The following CEP128 variants were observed in gnomAD, a reference collection of about 807,000 sequenced individuals.
CEP128 encodes the protein centrosomal protein 128, also known as centrosomal protein 128kDa.
In CEP128, 132 loss-of-function variants were observed where a neutral mutation model predicts 156.7. The ratio of observed to expected loss-of-function variants is 0.84; its 90% CI spans 0.73 to 0.97. The LOEUF is 0.97. Among genes scored for constraint, CEP128 ranks in the 50% least tolerant of loss-of-function variants. The pLI is 0.00. For missense variants in CEP128, 1,252 were observed against 1,281.9 expected (o/e 0.98, Z 0.36); for synonymous variants, 469 against 448.9 (o/e 1.04, Z -0.57).
intron 19 of CEP128, among the ~76,000 whole-genome samples, chr14:80,580,691 CA>C (rs1322899073): frequency 6.6e-6 from 1 of 152,114 alleles, no homozygotes; most frequent in Non-Finnish European, 1.5e-5. Context: ...GACATCAAAT[CA>C]ATTAAAAATC....
chr14:80,580,272 C>T, intron 20 of CEP128, 102 bp downstream of exon 20: 2 of 702,102 alleles, frequency 2.8e-6, no homozygotes, highest in South Asian at 2.2e-5. Flanking sequence ...GTCCTTGTCA[C>T]CCTATTTGCT....
At chr14:80,570,722 C>A (rs1035740232) in intron 20 of CEP128, among the ~76,000 whole-genome samples, 3 of 150,786 alleles carry the variant, frequency 2.0e-5, no homozygotes, top group African/African-American at 4.9e-5. Context: ...GTTTTATGAG[C>A]AAATAGACAA....
intron 19 of CEP128, among the ~76,000 whole-genome samples, chr14:80,721,471 T>C (rs1336469626): frequency 1.3e-5 from 2 of 152,190 alleles, no homozygotes; most frequent in Non-Finnish European, 2.9e-5. Context: ...GGCATCTCAG[T>C]TGAAAAACAA....
chr14:80,923,181 T>C (rs1486704328), intron 2 of CEP128, among the ~76,000 whole-genome samples: 2 of 152,212 alleles, frequency 1.3e-5, no homozygotes, highest in African/African-American at 4.8e-5. Context: ...GTTGCTTCTG[T>C]CTTAATGAAC....
intron 13 of CEP128, among the ~76,000 whole-genome samples, chr14:80,817,664 C>T (rs1349301372): frequency 2.0e-5 from 3 of 152,070 alleles, no homozygotes; most frequent in Non-Finnish European, 4.4e-5. Flanking sequence ...AGACGGATCA[C>T]GAGGTCAGGA....
chr14:80,767,598 A>G (rs1248428852), intron 16 of CEP128, among the ~76,000 whole-genome samples: 4 of 152,136 alleles, frequency 2.6e-5, no homozygotes, highest in Non-Finnish European at 5.9e-5. Flanking sequence ...CTAACTCATT[A>G]TAAAAGTCCA....
At chr14:80,739,743 T>A (rs1459976817) in intron 19 of CEP128, among the ~76,000 whole-genome samples, 5 of 152,126 alleles carry the variant, frequency 3.3e-5, no homozygotes, top group Non-Finnish European at 4.4e-5. Context: ...TGTTATTGTG[T>A]CCCTAAATGA....
At chr14:80,793,307 A>T (rs1901817580) in intron 13 of CEP128, among the ~76,000 whole-genome samples, 197 bp from the exon 14 acceptor site, 1 of 152,228 alleles carries the variant, frequency 6.6e-6, no homozygotes, top group Admixed American at 6.5e-5. Flanking sequence ...TTTTTTATAT[A>T]AATATTCCCT....
At chr14:80,905,841 A>G (rs1474351161) in intron 5 of CEP128, 114 bp downstream of exon 5, 4 of 942,022 alleles carry the variant, frequency 4.2e-6, no homozygotes, top group Admixed American at 2.5e-5. Flanking sequence ...TACATGTACT[A>G]TCATCCAATC....
intron 20 of CEP128, among the ~76,000 whole-genome samples, chr14:80,563,630 T>G (rs1221514682): frequency 1.4e-5 from 2 of 146,710 alleles, no homozygotes; most frequent in Admixed American, 1.4e-4. Context: ...ACCTCTTGGA[T>G]TTAAGTGATT....
chr14:80,936,967 TA>T (rs1027801910), intron 2 of CEP128, among the ~76,000 whole-genome samples: 119 of 145,582 alleles, frequency 8.2e-4, no homozygotes, highest in Admixed American at 2.1e-3. Context: ...ATTAAAAATT[TA>T]AAAAAAAAAA....
intron 2 of CEP128, among the ~76,000 whole-genome samples, chr14:80,957,332 A>G (rs1211240595): frequency 6.6e-6 from 1 of 151,922 alleles, no homozygotes; most frequent in Non-Finnish European, 1.5e-5. Context: ...GCCCTTAGAC[A>G]TTGTCTACTT....
At chr14:80,510,202 T>G (rs949192462) in intron 23 of CEP128, among the ~76,000 whole-genome samples, 5 of 152,166 alleles carry the variant, frequency 3.3e-5, no homozygotes, top group African/African-American at 1.2e-4. Flanking sequence ...ATTTGTAGAT[T>G]GCTTTGGGTA....
chr14:80,908,492 T>C (rs905124764), intron 4 of CEP128, among the ~76,000 whole-genome samples: 1 of 152,200 alleles, frequency 6.6e-6, no homozygotes, highest in African/African-American at 2.4e-5. Context: ...GTCAGTTGGT[T>C]ATTTATTTAT....
At chr14:80,746,906 T>C (rs961697904) in intron 18 of CEP128, among the ~76,000 whole-genome samples, 2 of 152,194 alleles carry the variant, frequency 1.3e-5, no homozygotes, top group Non-Finnish European at 2.9e-5. Flanking sequence ...GATGCCATTT[T>C]TAAAACGTAC....
intron 13 of CEP128, among the ~76,000 whole-genome samples, chr14:80,801,459 A>T (rs149626): frequency 0.54 from 54,476 of 100,880 alleles, 10,219 homozygotes; most frequent in South Asian, 0.65. Context: ...GAGATGCTGA[A>T]TTTTATCAAA....
At chr14:80,840,027 T>C (rs936800626) in intron 10 of CEP128, among the ~76,000 whole-genome samples, 1 of 152,138 alleles carries the variant, frequency 6.6e-6, no homozygotes, top group Non-Finnish European at 1.5e-5. Context: ...TGCCTTTACA[T>C]GAGTTGGTGA....
At chr14:80,586,105 G>C (rs990811531) in intron 19 of CEP128, among the ~76,000 whole-genome samples, 2 of 151,938 alleles carry the variant, frequency 1.3e-5, no homozygotes, top group Admixed American at 1.3e-4. Context: ...CTAATCCTAG[G>C]GTTGCTTTTT....
At chr14:80,921,782 G>A (rs1018093731) in intron 2 of CEP128, among the ~76,000 whole-genome samples, 1 of 151,964 alleles carries the variant, frequency 6.6e-6, no homozygotes, top group African/African-American at 2.4e-5. Flanking sequence ...TGGACAACAC[G>A]GTGAAACCCC....
Sources: allele counts gnomAD v4.1 joint callset (sites outside exome capture counted in the v4.1 genomes callset), GRCh38; gene constraint gnomAD v4.1.1; transcripts MANE v1.5; gene names NCBI Gene and HGNC (gene_info 2026-07-23, HGNC 2026-07-21).